MMP25: variants seen among roughly 807,000 people sequenced by gnomAD.
The protein encoded by MMP25 is matrix metallopeptidase 25.
In MMP25, 68 loss-of-function variants were observed where a neutral mutation model predicts 62.1. The ratio of observed to expected loss-of-function variants is 1.10; its 90% CI spans 0.90 to 1.34. The LOEUF is 1.34. MMP25 is among the 40% of genes most tolerant of loss of function. MMP25 has a pLI of 0.00. For synonymous variants in MMP25, 407 were observed against 345.6 expected, an observed-to-expected ratio of 1.18 and a Z score of -1.97; for missense variants, 942 against 792.5, an observed-to-expected ratio of 1.19 and a Z score of -2.26.
chr16:3,047,013 C>G lies in MMP25; in HGVS notation c.96C>G (p.Gly32=). 2 of 1,446,460 alleles carry G rather than the reference C, an allele frequency of 1.4e-6. No homozygotes were observed. The highest frequency in any genetic ancestry group is 1.8e-6 in the Non-Finnish European group (2 of 1,107,028). 89.6% of individuals were successfully genotyped at this position (1,446,460 alleles called of 1,614,324 possible). The change falls in exon 1 of 10, where the codon GGC becomes GGG. Residue 32 remains glycine (G), a synonymous_variant. Transcript: ENST00000336577. ...CCTCGGCGCAGGACGTGAGCCTGGGCGTGGTGAGCGCGGGGTCCGCAGGCT... is the reference window on the plus strand; with the variant it reads ...CCTCGGCGCAGGACGTGAGCCTGGGGGTGGTGAGCGCGGGGTCCGCAGGCT... ...PKPSAQDVSL[G]VDWLTRYGYL...
At chr16:3,048,944 T>C (rs1955859496) in intron 2 of MMP25, among the ~76,000 whole-genome samples, 1 of 151,908 alleles carries the variant, frequency 6.6e-6, no homozygotes, top group African/African-American at 2.4e-5. Context: ...TAGCTGGGAC[T>C]ACAGGCATCC....
At chr16:3,055,633 G>A (rs183297996) in intron 4 of MMP25, 4 of 340,592 alleles carry the variant, frequency 1.2e-5, no homozygotes, top group East Asian at 7.9e-5. Flanking sequence ...TAGGTCTCAC[G>A]TTTCATGCTT....
rs1250939695 is a variant in MMP25, at chr16:3,047,001, C to A, written c.84C>A (p.Asp28Glu). ...PARAPKPSAQ[D>E]VSLGVDWLTR... is the part of the protein sequence containing the mutation. Reference sequence around the variant, plus strand: ...GCGCCCCGAAGCCCTCGGCGCAGGACGTGAGCCTGGGCGTGGTGAGCGCGG... The same window carrying A: ...GCGCCCCGAAGCCCTCGGCGCAGGAAGTGAGCCTGGGCGTGGTGAGCGCGG... The change falls in exon 1 of 10, where the codon GAC (aspartate) becomes GAA (glutamate). Residue 28 changes from aspartate to glutamate, a missense_variant. By Grantham distance (45) the Asp-to-Glu change is conservative (BLOSUM62 2). Transcript: ENST00000336577. 2.0e-6 allele frequency: 3 copies of A among 1,465,640 alleles called. No homozygotes were observed. Among genetic ancestry groups the A allele is most frequent in the Middle Eastern group, 2.3e-4 (1 of 4,386 alleles). 90.8% of individuals were successfully genotyped at this position (1,465,640 alleles called of 1,614,324 possible). A position where few individuals can be genotyped will look rare whatever the true frequency, so the allele number is the denominator to read the frequency against.
Position 3,057,014 on chromosome 16 carries a change from C to T in MMP25, c.662-19C>T. The T allele has an allele frequency of 6.5e-7, 1 of 1,546,246 alleles. No individual in the cohort carries two copies. Among genetic ancestry groups the T allele is most frequent in the Admixed American group, 1.9e-5 (1 of 51,714 alleles). On this transcript the variant is annotated intron_variant, in intron 4 of 9. Coordinates refer to ENST00000336577, the MANE Select transcript of MMP25 (RefSeq NM_022468.5). ...CCCAAGCAGGGGCGGCCGCAGCTCT[C>T]ACCCACTTTCTCCTGCAGACGGCGA... is the stretch of plus-strand genomic sequence containing the variant.
In MMP25 at chr16:3,059,266, G is replaced by A. The variant is rs970280357; in HGVS notation, c.*168G>A. ...TCTCCCGCGCAGGGGCGGCGGCGGC[G>A]GGGACCGGTCGCCTGGCGCTGGGCT... is the stretch of plus-strand genomic sequence containing the variant. On this transcript the variant is annotated 3_prime_UTR_variant, in exon 10 of 10. Transcript: ENST00000336577. 7.1e-5 allele frequency: 57 copies of A among 798,836 alleles called. No individual in the cohort carries two copies. The highest frequency in any genetic ancestry group is 9.8e-5 in the Non-Finnish European group (54 of 550,272). The allele number at this position is 798,836 out of a possible 1,614,324, so 49.5% of individuals were successfully genotyped here.
rs1316054842 is a variant in MMP25, at chr16:3,060,543, T to C, written c.*1445T>C. The C allele has an allele frequency of 1.3e-5, 2 of 152,154 alleles. No individual in the cohort carries two copies. Among genetic ancestry groups the C allele is most frequent in the African/African-American group, 2.4e-5 (1 of 41,420 alleles). 9.4% of individuals were successfully genotyped at this position (152,154 alleles called of 1,614,324 possible). Reference sequence around the variant, plus strand: ...CCATGCGAGGGGTTGCCCCAGTTGCTCATACAAACAGATCAGCATGAGGAC... The same window carrying C: ...CCATGCGAGGGGTTGCCCCAGTTGCCCATACAAACAGATCAGCATGAGGAC... On this transcript the variant is annotated 3_prime_UTR_variant, in exon 10 of 10. Coordinates refer to ENST00000336577, the MANE Select transcript of MMP25 (RefSeq NM_022468.5).
At position 3,059,246 on chromosome 16, in the gene MMP25, C is replaced by A. The variant is rs956203747; in HGVS notation, c.*148C>A. On this transcript the variant is annotated 3_prime_UTR_variant, in exon 10 of 10. Coordinates refer to ENST00000336577, the MANE Select transcript of MMP25 (RefSeq NM_022468.5). ...CGCGGACTAAGCAGGGGGGATCTCC[C>A]GCGCAGGGGCGGCGGCGGCGGGGAC... 2.7e-5 allele frequency: 25 copies of A among 924,510 alleles called. No individual in the cohort carries two copies. The African/African-American group carries it at 4.0e-4, about 15-fold the overall frequency. 57.3% of individuals were successfully genotyped at this position (924,510 alleles called of 1,614,324 possible). A position where few individuals can be genotyped will look rare whatever the true frequency, so the allele number is the denominator to read the frequency against.
At chr16:3,055,943 G>A (rs889577653) in intron 4 of MMP25, 12 of 455,570 alleles carry the variant, frequency 2.6e-5, no homozygotes, top group Middle Eastern at 4.4e-4. Flanking sequence ...CTGAGCGCCT[G>A]AGCTGAATAC....
intron 2 of MMP25, among the ~76,000 whole-genome samples, chr16:3,048,809 T>A (rs991581910): frequency 4.0e-5 from 6 of 151,614 alleles, no homozygotes; most frequent in Non-Finnish European, 8.8e-5. Context: ...CTTGCAATTT[T>A]TTTTTTTTTT....
chr16:3,055,973 C>T (rs1477729617), intron 4 of MMP25: 6 of 454,866 alleles, frequency 1.3e-5, no homozygotes, highest in Non-Finnish European at 2.2e-5. Flanking sequence ...AGGCTGGGAG[C>T]AAGGCCGGGT....
chr16:3,057,012 C>G (rs1398938420), intron 4 of MMP25, 21 bp from the exon 5 acceptor site: 8 of 1,544,240 alleles, frequency 5.2e-6, no homozygotes, highest in Non-Finnish European at 6.1e-6. Context: ...GGCCGCAGCT[C>G]TCACCCACTT....
intron 4 of MMP25, chr16:3,055,628 C>A: frequency 5.9e-6 from 2 of 338,530 alleles, no homozygotes; most frequent in South Asian, 2.2e-5. Context: ...CCTCTTAGGT[C>A]TCACGTTTCA....
At chr16:3,056,293 G>A (rs1300599220) in intron 4 of MMP25, 3 of 222,878 alleles carry the variant, frequency 1.3e-5, no homozygotes, top group Admixed American at 5.1e-5. Context: ...GGGAGGAGGG[G>A]ATGCTCCCAG....
rs1231400878 is a variant in MMP25, at chr16:3,047,496, G to A, written c.181G>A (p.Ala61Thr). 19 of 1,613,914 alleles carry A rather than the reference G, an allele frequency of 1.2e-5. No individual in the cohort carries two copies. Among genetic ancestry groups the A allele is most frequent in the Non-Finnish European group, 1.6e-5 (19 of 1,179,960 alleles). ...GCAGAGCCCTGAGAAGTTGCGCGAT[G>A]CCATCAAAGTCATGCAGAGGTTCGC... ...QLQSPEKLRDAIKVMQRFAGL... is the reference protein window; with the variant it reads ...QLQSPEKLRDTIKVMQRFAGL... Residue 61 changes from alanine to threonine, a missense_variant, in exon 2 of 10, where the codon GCC (alanine) becomes ACC (threonine). Ala to Thr is a moderately conservative substitution (Grantham distance 58, BLOSUM62 0). Coordinates refer to ENST00000336577, the MANE Select transcript of MMP25 (RefSeq NM_022468.5).
chr16:3,051,086 T>A (rs1256812907), intron 4 of MMP25: 1 of 152,404 alleles, frequency 6.6e-6, no homozygotes, highest in Non-Finnish European at 1.5e-5. Flanking sequence ...CCACCACTCC[T>A]GGCCAATAAT....
intron 7 of MMP25, 136 bp from the exon 8 acceptor site, chr16:3,058,045 C>G (rs2151164467): frequency 9.5e-7 from 1 of 1,054,312 alleles, no homozygotes; most frequent in Non-Finnish European, 1.4e-6. Flanking sequence ...TCAGGCGGGC[C>G]AGGATGGGCT....
Position 3,050,684 on chromosome 16 carries a change from G to A in MMP25, c.661+138G>A, listed in dbSNP as rs768083339. On this transcript the variant is annotated intron_variant, in intron 4 of 9. Transcript: ENST00000336577. ...GCTAGAGTGCAGTGGTGCAATCATA[G>A]CTAACTGCAACCACGAACTTCTGGC... 2.2e-4 allele frequency: 194 copies of A among 866,382 alleles called. 1 individual carries two copies. The highest frequency in any genetic ancestry group is 2.2e-3 in the Middle Eastern group (6 of 2,786). 53.7% of individuals were successfully genotyped at this position (866,382 alleles called of 1,614,324 possible).
intron 4 of MMP25, chr16:3,056,786 C>G (rs775320244): frequency 2.8e-4 from 128 of 453,806 alleles, no homozygotes; most frequent in Non-Finnish European, 4.2e-4. Context: ...TGTAAGGTGG[C>G]CTATTCCTCT....
chr16:3,055,933 C>A (rs1249330046), intron 4 of MMP25: 1 of 455,640 alleles, frequency 2.2e-6, no homozygotes, highest in Non-Finnish European at 4.4e-6. Flanking sequence ...CCTGGCAGTC[C>A]TGAGCGCCTG....
Sources: gnomAD v4.1 joint callset for allele counts (sites outside exome capture counted in the v4.1 genomes callset) on GRCh38, gnomAD v4.1.1 for gene constraint, MANE v1.5 for transcripts, NCBI Gene and HGNC (gene_info 2026-07-23, HGNC 2026-07-21) for gene names.